AKAP4: variants seen among roughly 807,000 people sequenced by gnomAD.
AKAP4 encodes A-kinase anchoring protein 4.
Under a neutral mutation model 42.6 loss-of-function variants are expected in AKAP4, and 4 were observed. That is an observed-to-expected ratio of 0.09 (90% CI 0.05 to 0.22). The LOEUF (loss-of-function observed/expected upper bound fraction) is 0.22. AKAP4 is among the 10% of genes least tolerant of loss of function. The pLI is 1.00. For synonymous variants in AKAP4, 223 were observed against 233.0 expected, an observed-to-expected ratio of 0.96 and a Z score of 0.39; for missense variants, 551 against 630.7, an observed-to-expected ratio of 0.87 and a Z score of 1.35.
chrX:50,198,859 T>A, intron 1 of AKAP4, 107 bp from the exon 2 acceptor site: 2 of 582,006 alleles, frequency 3.4e-6, no homozygotes, highest in Non-Finnish European at 5.4e-6. Flanking sequence ...ATTTCTGTGT[T>A]TCATATATAG....
In AKAP4 at chrX:50,192,340, G is replaced by C; in HGVS notation, c.2373C>G (p.Leu791=). The change falls in exon 5 of 6, where the codon CTC becomes CTG. Residue 791 remains leucine, a synonymous_variant. Transcript: ENST00000358526. ...GTCCATCCTTATCTCCCATGAAGTA[G>C]AGCATGGGCACGTTAAACTGGGAGG... ...IAASQFNVPM[L]YFMGDKDGQL... is the part of the protein sequence containing the mutation. 8.3e-7 allele frequency: 1 copy of C among 1,205,259 alleles called. No individual in the cohort carries two copies. The highest frequency in any genetic ancestry group is 1.1e-6 in the Non-Finnish European group (1 of 892,658).
In AKAP4 at chrX:50,196,906, C is replaced by A. The variant is rs781841685; in HGVS notation, c.261G>T (p.Lys87Asn). ...KEIIVIKDTE[K>N]KDQSKTEGSV... Reference sequence around the variant, plus strand: ...TTAAGTGTACCTTAGACTGGTCTTTCTTCTCAGTGTCCTTGATCACGATAA... The same window carrying A: ...TTAAGTGTACCTTAGACTGGTCTTTATTCTCAGTGTCCTTGATCACGATAA... The change falls in exon 4 of 6, where the codon AAG (lysine) becomes AAT (asparagine). Residue 87 changes from lysine to asparagine, a missense_variant. Lys to Asn is a moderately conservative substitution (Grantham distance 94). Transcript: ENST00000358526. 3 of 1,205,948 alleles carry A rather than the reference C, an allele frequency of 2.5e-6. No homozygotes were observed. The South Asian group carries it at 5.3e-5, about 21-fold the overall frequency.
chrX:50,193,912 C>A lies in AKAP4; in HGVS notation c.801G>T (p.Ala267=), dbSNP rs781956674. 1 of 1,210,114 alleles carries A rather than the reference C, an allele frequency of 8.3e-7. No individual in the cohort carries two copies. Among genetic ancestry groups the A allele is most frequent in the Non-Finnish European group, 1.1e-6 (1 of 895,290 alleles). Residue 267 remains alanine (A), a synonymous_variant, in exon 5 of 6, where the codon GCG becomes GCT. Coordinates refer to ENST00000358526, the MANE Select transcript of AKAP4 (RefSeq NM_003886.3). ...AGGCCATTTCAGAAGCAATCTTGCT[C>A]GCAGGAGTTCGGGGACTGATTCTCT... ...NKERISPRTP[A]SKIASEMAYE...
chrX:50,194,982 G>A (rs1557204209), intron 4 of AKAP4, among the ~76,000 whole-genome samples: 1 of 112,015 alleles, frequency 8.9e-6, no homozygotes, highest in Non-Finnish European at 1.9e-5. Context: ...ATGTCAGTGT[G>A]TCTCTGAATA....
intron 5 of AKAP4, 105 bp from the exon 6 acceptor site, chrX:50,191,220 C>G: frequency 1.2e-6 from 1 of 858,958 alleles, no homozygotes; most frequent in Non-Finnish European, 1.6e-6. Context: ...AACCTCCTCA[C>G]CCACACCCAC....
At position 50,193,522 on chromosome X, in the gene AKAP4, C is replaced by T. The variant is rs781951919; in HGVS notation, c.1191G>A (p.Leu397=). ...MKNLHNITGV[L]MTDSDFVSAV... ...CTGAGACAAAGTCTGAGTCAGTCAT[C>T]AGGACCCCAGTAATATTATGCAGGT... Residue 397 remains leucine, a synonymous_variant, in exon 5 of 6, where the codon CTG becomes CTA. Coordinates refer to ENST00000358526, the MANE Select transcript of AKAP4 (RefSeq NM_003886.3). The T allele has an allele frequency of 1.9e-5, 23 of 1,210,181 alleles. No individual in the cohort carries two copies. The highest frequency in any genetic ancestry group is 8.7e-5 in the Admixed American group (4 of 45,786).
Position 50,193,903 on chromosome X carries a change from A to G in AKAP4, c.810T>C (p.Ile270=). ...RISPRTPASK[I]ASEMAYEAVE... The stretch of plus-strand genomic sequence containing the variant: ...CAGCTTCATAGGCCATTTCAGAAGC[A>G]ATCTTGCTCGCAGGAGTTCGGGGAC... The change falls in exon 5 of 6, where the codon ATT becomes ATC. Residue 270 remains isoleucine, a synonymous_variant. Coordinates refer to ENST00000358526, the MANE Select transcript of AKAP4 (RefSeq NM_003886.3). 8.3e-7 allele frequency: 1 copy of G among 1,211,923 alleles called. No individual in the cohort carries two copies. Among genetic ancestry groups the G allele is most frequent in the South Asian group, 1.8e-5 (1 of 56,989 alleles).
rs1935209585 is a variant in AKAP4, at chrX:50,197,681, C to T, written c.124-87G>A. The T allele has an allele frequency of 6.0e-6, 5 of 827,516 alleles. No homozygotes were observed. The South Asian group carries it at 7.6e-5, about 13-fold the overall frequency. 68.2% of individuals were successfully genotyped at this position (827,516 alleles called of 1,213,427 possible). On this transcript the variant is annotated intron_variant, in intron 2 of 5. Transcript: ENST00000358526. ...TCTTGGAGATGATAATAGCACCTACCTCAGAGGGTTCTTGTGAGGATTAAC... is the reference window on the plus strand; with the variant it reads ...TCTTGGAGATGATAATAGCACCTACTTCAGAGGGTTCTTGTGAGGATTAAC...
chrX:50,193,398 TCTC>T lies in AKAP4; in HGVS notation c.1312_1314del (p.Glu438del), dbSNP rs1557203956. The T allele has an allele frequency of 8.3e-7, 1 of 1,211,616 alleles. No homozygotes were observed. Among genetic ancestry groups the T allele is most frequent in the East Asian group, 3.0e-5 (1 of 33,847 alleles). ...GACAGACTCTGAGACTTAGTCTCCTTCTCCTCACCTATAAGGGCACTGACCAAG... is the reference window on the plus strand; with the variant it reads ...GACAGACTCTGAGACTTAGTCTCCTTCTCACCTATAAGGGCACTGACCAAG... On this transcript the variant is annotated inframe_deletion, in exon 5 of 6. Transcript: ENST00000358526.
rs1935134916 is a variant in AKAP4, at chrX:50,193,065, T to C, written c.1648A>G (p.Lys550Glu). The C allele has an allele frequency of 8.3e-7, 1 of 1,210,251 alleles. No homozygotes were observed. Among genetic ancestry groups the C allele is most frequent in the African/African-American group, 1.7e-5 (1 of 57,256 alleles). Residue 550 changes from lysine (K) to glutamate (E), a missense_variant, in exon 5 of 6, where the codon AAG (lysine) becomes GAG (glutamate). Transcript: ENST00000358526. ...TGGGTCAGATGGTACTGGATCAGCT[T>C]AAGGGCAGAGACAATCAGGTCCTTG... ...LAKDLIVSAL[K>E]LIQYHLTQQT... is the part of the protein sequence containing the mutation.
chrX:50,190,822 A>T lies in AKAP4; in HGVS notation c.*138T>A. 1 of 622,423 alleles carries T rather than the reference A, an allele frequency of 1.6e-6. No individual in the cohort carries two copies. Among genetic ancestry groups the T allele is most frequent in the Non-Finnish European group, 2.4e-6 (1 of 425,073 alleles). The allele number at this position is 622,423 out of a possible 1,213,427, so 51.3% of individuals were successfully genotyped here. ...ATTTCCCAGTTTGTTGACACCTCTT[A>T]CATTCACAGGCAACTGCTCAAGTGT... On this transcript the variant is annotated 3_prime_UTR_variant, in exon 6 of 6. Coordinates refer to ENST00000358526, the MANE Select transcript of AKAP4 (RefSeq NM_003886.3).
Position 50,192,921 on chromosome X carries a change from C to T in AKAP4, c.1792G>A (p.Val598Met), listed in dbSNP as rs370374358. ...GGGQSAKALSVKQLESHRAPG... is the reference protein window; with the variant it reads ...GGGQSAKALSMKQLESHRAPG... Reference sequence around the variant, plus strand: ...GCTCTGTGAGATTCTAGTTGTTTCACTGAAAGTGCTTTGGCACTTTGGCCA... The same window carrying T: ...GCTCTGTGAGATTCTAGTTGTTTCATTGAAAGTGCTTTGGCACTTTGGCCA... The change falls in exon 5 of 6, where the codon GTG (valine) becomes ATG (methionine). Residue 598 changes from valine to methionine, a missense_variant. Coordinates refer to ENST00000358526, the MANE Select transcript of AKAP4 (RefSeq NM_003886.3). 4.1e-6 allele frequency: 5 copies of T among 1,210,172 alleles called. No individual in the cohort carries two copies. In the African/African-American group the frequency reaches 7.0e-5, roughly 17 times the overall value.
intron 1 of AKAP4, among the ~76,000 whole-genome samples, chrX:50,199,007 T>C (rs1399505821): frequency 1.8e-5 from 2 of 111,356 alleles, no homozygotes; most frequent in East Asian, 2.8e-4. Context: ...TTTGGAATCA[T>C]GAGAGTATGA....
chrX:50,195,915 T>C (rs1230862815), intron 4 of AKAP4, among the ~76,000 whole-genome samples: 3 of 111,022 alleles, frequency 2.7e-5, no homozygotes, highest in Non-Finnish European at 5.7e-5. Flanking sequence ...AGCCCTCTGC[T>C]CCTTCTATTG....
chrX:50,195,888 C>CTA (rs1935184847), intron 4 of AKAP4, among the ~76,000 whole-genome samples: 1 of 110,824 alleles, frequency 9.0e-6, no homozygotes, highest in African/African-American at 3.3e-5. Flanking sequence ...ACATATTCCA[C>CTA]CCAACACTAA....
At position 50,192,662 on chromosome X, in the gene AKAP4, T is replaced by A; in HGVS notation, c.2051A>T (p.Asp684Val). 4 of 1,211,754 alleles carry A rather than the reference T, an allele frequency of 3.3e-6. No individual in the cohort carries two copies. Among genetic ancestry groups the A allele is most frequent in the Non-Finnish European group, 4.5e-6 (4 of 895,567 alleles). ...EEQCQEHQELDCTSGMKQANG... is the reference protein window; with the variant it reads ...EEQCQEHQELVCTSGMKQANG... The stretch of plus-strand genomic sequence containing the variant: ...CGCTTGCTTCATCCCACTGGTACAG[T>A]CAAGTTCTTGATGCTCCTGGCATTG... The change falls in exon 5 of 6, where the codon GAC becomes GTC. Residue 684 changes from aspartate (D) to valine (V), a missense_variant. Physicochemically the swap from Asp to Val is radical, Grantham distance 152. Transcript: ENST00000358526.
chrX:50,193,273 G>A lies in AKAP4; in HGVS notation c.1440C>T (p.Gly480=). ...ACTTGCATGGGTCTGATTTCATTTT[G>A]CCTTTGTCCCTCTCTTTCATTTCAG... ...MKAEMKERDK[G]KMKSDPCKSL... The change falls in exon 5 of 6, where the codon GGC becomes GGT. Residue 480 remains glycine (G), a synonymous_variant. Coordinates refer to ENST00000358526, the MANE Select transcript of AKAP4 (RefSeq NM_003886.3). 8.3e-7 allele frequency: 1 copy of A among 1,211,232 alleles called. No homozygotes were observed. Among genetic ancestry groups the A allele is most frequent in the Non-Finnish European group, 1.1e-6 (1 of 895,456 alleles).
rs1168106739 is a variant in AKAP4 at position 50,193,316 on chromosome X, T to C, written c.1397A>G (p.Glu466Gly). 8.3e-7 allele frequency: 1 copy of C among 1,209,802 alleles called. No homozygotes were observed. The highest frequency in any genetic ancestry group is 2.2e-5 in the Admixed American group (1 of 45,696). Residue 466 changes from glutamate (E) to glycine (G), a missense_variant, in exon 5 of 6, where the codon GAA becomes GGA. By Grantham distance (98) the Glu-to-Gly change is moderately conservative (BLOSUM62 -2). Coordinates refer to ENST00000358526, the MANE Select transcript of AKAP4 (RefSeq NM_003886.3). The part of the protein sequence containing the change: ...HDPKCRNQSL[E>G]FSTMKAEMKE... ...CATTTCAGCTTTCATGGTGGAGAATTCAAGACTCTGATTCCTGCATTTGGG... is the reference window on the plus strand; with the variant it reads ...CATTTCAGCTTTCATGGTGGAGAATCCAAGACTCTGATTCCTGCATTTGGG...
At chrX:50,197,250 GT>G (rs1191454097) in intron 3 of AKAP4, among the ~76,000 whole-genome samples, 1,367 of 103,340 alleles carry the variant, frequency 0.013, 21 homozygotes, top group African/African-American at 0.044. Context: ...CTTTGGATGG[GT>G]TTTTTTTTTT....
Sources: gnomAD v4.1 joint callset for allele counts (sites outside exome capture counted in the v4.1 genomes callset) on GRCh38, gnomAD v4.1.1 for gene constraint, MANE v1.5 for transcripts, NCBI Gene and HGNC (gene_info 2026-07-23, HGNC 2026-07-21) for gene names.